The following SPDYA variants were observed in gnomAD, a reference collection of about 807,000 sequenced individuals.
SPDYA encodes speedy/RINGO cell cycle regulator family member A, also known as speedy protein A.
In SPDYA, 11 loss-of-function variants were observed where a neutral mutation model predicts 36.7. The observed-to-expected ratio is 0.30, with a 90% CI of 0.19 to 0.50. The LOEUF is 0.50. Among genes scored for constraint, SPDYA ranks in the 20% least tolerant of loss-of-function variants. The pLI, the probability that SPDYA is intolerant of heterozygous loss-of-function variation, is 0.98. For synonymous variants in SPDYA, 115 were observed against 118.7 expected, an observed-to-expected ratio of 0.97 and a Z score of 0.20; for missense variants, 287 against 370.9, an observed-to-expected ratio of 0.77 and a Z score of 1.86.
intron 7 of SPDYA, 69 bp from the exon 8 acceptor site, chr2:28,849,781 G>A (rs1668990328): frequency 1.2e-6 from 1 of 850,774 alleles, no homozygotes; most frequent in African/African-American, 1.8e-5. Context: ...ACATATACAA[G>A]CCATTATAAG....
intron 6 of SPDYA, among the ~76,000 whole-genome samples, chr2:28,831,886 C>T (rs1373047402): frequency 6.6e-6 from 1 of 152,216 alleles, no homozygotes; most frequent in African/African-American, 2.4e-5. Context: ...TCCATTCCCT[C>T]TACTTGTGCA....
intron 5 of SPDYA, among the ~76,000 whole-genome samples, chr2:28,826,128 G>A (rs1012264022): frequency 2.7e-5 from 4 of 150,940 alleles, no homozygotes; most frequent in African/African-American, 9.7e-5. Context: ...GAAGATTAAG[G>A]ATTGATGTTT....
At chr2:28,814,976 C>G (rs1487491614) in intron 2 of SPDYA, among the ~76,000 whole-genome samples, 1 of 152,078 alleles carries the variant, frequency 6.6e-6, no homozygotes, top group Non-Finnish European at 1.5e-5. Context: ...TTGTCATACA[C>G]TTACAACTTT....
chr2:28,835,225 C>A (rs956967166), intron 6 of SPDYA, among the ~76,000 whole-genome samples: 1 of 148,686 alleles, frequency 6.7e-6, no homozygotes, highest in African/African-American at 2.4e-5. Context: ...TAGTGCCTGA[C>A]CTTTTTTTTT....
At chr2:28,845,824 C>A (rs1438892023) in intron 7 of SPDYA, among the ~76,000 whole-genome samples, 1 of 152,196 alleles carries the variant, frequency 6.6e-6, no homozygotes, top group South Asian at 2.1e-4. Flanking sequence ...GGATTACAGG[C>A]GTGAGCCACC....
chr2:28,826,689 A>G (rs1428208254), intron 5 of SPDYA, among the ~76,000 whole-genome samples: 1 of 121,448 alleles, frequency 8.2e-6, no homozygotes, highest in African/African-American at 3.2e-5. Context: ...ATCTCAGCTC[A>G]CTGCGATCTC....
intron 5 of SPDYA, among the ~76,000 whole-genome samples, chr2:28,826,611 C>CTCT (rs1553315436): frequency 1.9e-4 from 14 of 75,330 alleles, no homozygotes; most frequent in African/African-American, 6.6e-4. Context: ...TTCTTTCTCT[C>CTCT]TTTTTTTTTT....
chr2:28,816,862 A>ATT lies in SPDYA; in HGVS notation c.235+624_235+625dup, dbSNP rs10633240. On this transcript the variant is annotated intron_variant, in intron 3 of 7. Coordinates refer to ENST00000334056, the MANE Select transcript of SPDYA (RefSeq NM_182756.4). ...TACTCCTAACTAGGAAAGAGAGGGA[A>ATT]TTTTTTTTTTTTGAGGTAGGGTAAT... Among the ~76,000 whole-genome samples the ATT allele has an allele frequency of 2.0e-3, 296 of 149,316 alleles. 3 individuals carry two copies. Among genetic ancestry groups the ATT allele is most frequent in the Middle Eastern group, 0.018 (5 of 284 alleles).
chr2:28,819,791 C>G (rs1276420051), intron 4 of SPDYA, among the ~76,000 whole-genome samples: 1 of 129,970 alleles, frequency 7.7e-6, no homozygotes, highest in Non-Finnish European at 1.6e-5. Flanking sequence ...CCAAGACCAG[C>G]CTTGGCAACA....
chr2:28,812,710 A>G (rs928371996), intron 1 of SPDYA, among the ~76,000 whole-genome samples: 1 of 151,930 alleles, frequency 6.6e-6, no homozygotes, highest in Non-Finnish European at 1.5e-5. Context: ...TACGAAAATT[A>G]GCGGGGCGTG....
At chr2:28,841,134 A>G (rs1668742550) in intron 7 of SPDYA, among the ~76,000 whole-genome samples, 1 of 151,864 alleles carries the variant, frequency 6.6e-6, no homozygotes, top group Non-Finnish European at 1.5e-5. Flanking sequence ...GGATTTCACC[A>G]TGTTGGCCAG....
chr2:28,838,543 CT>C (rs1668668774), intron 6 of SPDYA, among the ~76,000 whole-genome samples: 1 of 152,010 alleles, frequency 6.6e-6, no homozygotes, highest in Non-Finnish European at 1.5e-5. Context: ...TTTTAATTCA[CT>C]TATCACAGTA....
intron 5 of SPDYA, among the ~76,000 whole-genome samples, chr2:28,825,434 C>A (rs1380260418): frequency 1.3e-5 from 2 of 152,130 alleles, no homozygotes; most frequent in Non-Finnish European, 1.5e-5. Flanking sequence ...TTAAAAATAA[C>A]ATGAATTATA....
At chr2:28,828,482 T>A (rs529408119) in intron 5 of SPDYA, among the ~76,000 whole-genome samples, 30 of 152,374 alleles carry the variant, frequency 2.0e-4, no homozygotes, top group African/African-American at 7.2e-4. Flanking sequence ...TACTTAACTT[T>A]TTGAACATAC....
chr2:28,819,629 T>C (rs1668082114), intron 4 of SPDYA, among the ~76,000 whole-genome samples: 1 of 151,646 alleles, frequency 6.6e-6, no homozygotes, highest in Non-Finnish European at 1.5e-5. Context: ...CAGTCTATAC[T>C]TAAGGAATTG....
intron 2 of SPDYA, among the ~76,000 whole-genome samples, chr2:28,815,418 A>C (rs1338931458): frequency 6.6e-6 from 1 of 152,074 alleles, no homozygotes; most frequent in African/African-American, 2.4e-5. Context: ...TTTTGCTAGA[A>C]TTGCTTTCAA....
chr2:28,840,129 T>G, intron 6 of SPDYA, 43 bp from the exon 7 acceptor site: 1 of 1,554,226 alleles, frequency 6.4e-7, no homozygotes, highest in Non-Finnish European at 8.7e-7. Context: ...TTAGTAAATT[T>G]TGAAATATTA....
At position 28,819,936 on chromosome 2, in the gene SPDYA, G is replaced by T. The variant is rs543392766; in HGVS notation, c.294+830G>T. ...TGAGGCAGGAGGATTGCTTGAGCCA[G>T]GGAGATCAAGGCTGCAGTGAGCTGT... On this transcript the variant is annotated intron_variant, in intron 4 of 7. Transcript: ENST00000334056. Among the ~76,000 whole-genome samples the T allele has an allele frequency of 1.4e-3, 188 of 133,494 alleles. 1 individual carries two copies. Among genetic ancestry groups the T allele is most frequent in the Non-Finnish European group, 2.4e-3 (153 of 64,780 alleles). The allele number at this position is 133,494 out of a possible 152,430, so 87.6% of individuals were successfully genotyped here.
chr2:28,813,666 C>T (rs139864460), intron 1 of SPDYA, among the ~76,000 whole-genome samples: 5,471 of 151,702 alleles, frequency 0.036, 354 homozygotes, highest in African/African-American at 0.13. Context: ...ATTCTCCTGT[C>T]TCAGCCTCCC....
Sources: gnomAD v4.1 joint callset for allele counts (sites outside exome capture counted in the v4.1 genomes callset) on GRCh38, gnomAD v4.1.1 for gene constraint, MANE v1.5 for transcripts, NCBI Gene and HGNC (gene_info 2026-07-23, HGNC 2026-07-21) for gene names.